CLVS1: variants seen among roughly 807,000 people sequenced by gnomAD.
CLVS1 encodes clavesin-1.
CLVS1 carries 10 observed loss-of-function variants against 33.1 expected under a neutral mutation model. The observed-to-expected ratio is 0.30, with a 90% CI of 0.19 to 0.51. The LOEUF (loss-of-function observed/expected upper bound fraction) is 0.51, where lower values mean the gene tolerates loss of function less well. Ranked by LOEUF, CLVS1 falls within the 20% of genes least tolerant of loss-of-function variation. The probability of loss-of-function intolerance (pLI) is 0.97; values close to 1 mark genes in which losing one functional copy is unlikely to be tolerated. For missense variants in CLVS1, 343 were observed against 433.4 expected (o/e 0.79, Z 1.85); for synonymous variants, 163 against 166.1 (o/e 0.98, Z 0.14).
In CLVS1 at chr8:61,311,837, A is replaced by G. The variant is rs7817033; in HGVS notation, c.455+11555A>G. 5.1e-3 allele frequency among the ~76,000 whole-genome samples: 779 copies of G among 152,338 alleles called. 7 individuals are homozygous for G. The highest frequency in any genetic ancestry group is 0.017 in the African/African-American group (713 of 41,570). On this transcript the variant is annotated intron_variant, in intron 2 of 5. Transcript: ENST00000325897. ...AAGCAAGTCCCAGTGAAGGCAGCCAATGCTAAGCTCACTCAATTAGTTGAT... is the reference window on the plus strand; with the variant it reads ...AAGCAAGTCCCAGTGAAGGCAGCCAGTGCTAAGCTCACTCAATTAGTTGAT...
At chr8:61,360,943 G>C (rs929810150) in intron 2 of CLVS1, among the ~76,000 whole-genome samples, 1 of 152,004 alleles carries the variant, frequency 6.6e-6, no homozygotes, top group African/African-American at 2.4e-5. Flanking sequence ...TCTGCAGGCT[G>C]TACAGGAAAT....
chr8:60,971,626 C>T, the CLVS1 span, among the ~76,000 whole-genome samples: 1 of 152,094 alleles, frequency 6.6e-6, no homozygotes, highest in Non-Finnish European at 1.5e-5. Context: ...GGGTTGCCTG[C>T]CTATAGCTGG....
intron 3 of CLVS1, among the ~76,000 whole-genome samples, chr8:61,382,741 T>G (rs1273610121): frequency 1.3e-5 from 2 of 152,110 alleles, no homozygotes; most frequent in African/African-American, 4.8e-5. Context: ...AATTTACACT[T>G]CACACACACT....
intron 2 of CLVS1, among the ~76,000 whole-genome samples, chr8:61,306,026 T>C (rs761192413): frequency 6.6e-6 from 1 of 152,238 alleles, no homozygotes; most frequent in Non-Finnish European, 1.5e-5. Flanking sequence ...TTTAACAGAA[T>C]GATTTATATT....
At chr8:61,290,724 A>C (rs1300009745) in intron 1 of CLVS1, among the ~76,000 whole-genome samples, 1 of 152,218 alleles carries the variant, frequency 6.6e-6, no homozygotes, top group Non-Finnish European at 1.5e-5. Context: ...TTCCTGTTAC[A>C]CAGTGACTTA....
intron 5 of CLVS1, among the ~76,000 whole-genome samples, chr8:61,461,494 G>GT (rs1268580901): frequency 1.3e-5 from 2 of 151,960 alleles, no homozygotes; most frequent in African/African-American, 4.8e-5. Context: ...AGTTTATTTT[G>GT]GTACAAAAAT....
At chr8:61,085,851 A>G (rs1194282050) in intron 1 of CLVS1, among the ~76,000 whole-genome samples, 2 of 151,488 alleles carry the variant, frequency 1.3e-5, no homozygotes, top group Non-Finnish European at 2.9e-5. Flanking sequence ...GTGAAACCCC[A>G]CCTCTACTAA....
intron 2 of CLVS1, among the ~76,000 whole-genome samples, chr8:61,357,980 T>A (rs1486392770): frequency 6.6e-6 from 1 of 152,338 alleles, no homozygotes; most frequent in East Asian, 1.9e-4. Flanking sequence ...TTGACTCTGA[T>A]ATTTATTAGC....
chr8:61,221,782 T>C (rs574959303), intron 2 of CLVS1, among the ~76,000 whole-genome samples: 50 of 152,332 alleles, frequency 3.3e-4, no homozygotes, highest in African/African-American at 1.2e-3. Context: ...TTTGTACCTC[T>C]GGTAGAATTC....
intron 3 of CLVS1, among the ~76,000 whole-genome samples, chr8:61,447,652 A>G (rs867947377): frequency 6.6e-6 from 1 of 152,014 alleles, no homozygotes; most frequent in Non-Finnish European, 1.5e-5. Flanking sequence ...AAAACTTACC[A>G]TCCCTTTTTC....
At chr8:61,217,338 A>G (rs1808110814) in intron 2 of CLVS1, among the ~76,000 whole-genome samples, 1 of 152,202 alleles carries the variant, frequency 6.6e-6, no homozygotes, top group Admixed American at 6.5e-5. Context: ...GTGACTTTTT[A>G]TTTAACAGAC....
intron 1 of CLVS1, among the ~76,000 whole-genome samples, chr8:61,091,783 T>C (rs1370690147): frequency 6.6e-6 from 1 of 152,208 alleles, no homozygotes; most frequent in Non-Finnish European, 1.5e-5. Flanking sequence ...AAACTAACAA[T>C]GACACATAAA....
At chr8:61,391,727 C>CT (rs1364333105) in intron 3 of CLVS1, among the ~76,000 whole-genome samples, 1 of 152,048 alleles carries the variant, frequency 6.6e-6, no homozygotes, top group Non-Finnish European at 1.5e-5. Context: ...TTATGAATGA[C>CT]TTTTTTCACT....
intron 2 of CLVS1, among the ~76,000 whole-genome samples, chr8:61,349,791 G>T (rs768601583): frequency 7.9e-5 from 12 of 152,048 alleles, no homozygotes; most frequent in Non-Finnish European, 1.5e-4. Context: ...TTCATAAATG[G>T]AAGTTTCACA....
At chr8:61,344,026 A>C (rs1812116523) in intron 2 of CLVS1, among the ~76,000 whole-genome samples, 1 of 152,108 alleles carries the variant, frequency 6.6e-6, no homozygotes, top group Non-Finnish European at 1.5e-5. Context: ...ATGCCAAAGG[A>C]CCAATATGTG....
chr8:61,031,972 A>G, the CLVS1 span, among the ~76,000 whole-genome samples: 3 of 152,232 alleles, frequency 2.0e-5, no homozygotes, highest in African/African-American at 4.8e-5. Flanking sequence ...AAAAAATAAG[A>G]TAAAATATGG....
chr8:61,149,351 A>C (rs1015032857), intron 2 of CLVS1, among the ~76,000 whole-genome samples: 2 of 152,088 alleles, frequency 1.3e-5, no homozygotes, highest in African/African-American at 4.8e-5. Flanking sequence ...CAGGGGTTTG[A>C]GACCAGCCTG....
intron 3 of CLVS1, among the ~76,000 whole-genome samples, chr8:61,413,367 C>A (rs1319484856): frequency 1.3e-5 from 2 of 152,072 alleles, no homozygotes; most frequent in Non-Finnish European, 2.9e-5. Context: ...AGGAAAGGTA[C>A]CAGATTCAAG....
chr8:61,300,186 G>A lies in CLVS1; in HGVS notation c.359G>A (p.Arg120Lys). ...AAGGCAGATGATCCCGGCATTAAGA[G>A]GGCTCTGATCGATGGGTTCCCCGGG... Reference protein sequence around the residue: ...NFKADDPGIKRALIDGFPGVL... With the variant: ...NFKADDPGIKKALIDGFPGVL... Residue 120 changes from arginine (R) to lysine (K), a missense_variant, in exon 2 of 6, where the codon AGG (arginine) becomes AAG (lysine). Physicochemically the swap from Arg to Lys is conservative, Grantham distance 26. Transcript: ENST00000325897. 6.2e-7 allele frequency: 1 copy of A among 1,614,006 alleles called. No homozygotes were observed. Among genetic ancestry groups the A allele is most frequent in the Non-Finnish European group, 8.5e-7 (1 of 1,179,966 alleles).
Sources: allele counts gnomAD v4.1 joint callset (sites outside exome capture counted in the v4.1 genomes callset), GRCh38; gene constraint gnomAD v4.1.1; transcripts MANE v1.5; gene names NCBI Gene and HGNC (gene_info 2026-07-23, HGNC 2026-07-21).